The following ZNF682 variants were observed in gnomAD, a reference collection of about 807,000 sequenced individuals.
The protein encoded by ZNF682 is zinc finger protein 682.
A neutral mutation model predicts 36.5 loss-of-function variants in ZNF682; 29 were observed. The observed-to-expected ratio is 0.80, with a 90% CI of 0.59 to 1.08. The LOEUF (loss-of-function observed/expected upper bound fraction) is 1.08. Ranked by LOEUF, ZNF682 falls within the 50% of genes least tolerant of loss-of-function variation. The pLI, the probability that ZNF682 is intolerant of heterozygous loss-of-function variation, is 0.00. For synonymous variants in ZNF682, 180 were observed against 197.0 expected, an observed-to-expected ratio of 0.91 and a Z score of 0.72; for missense variants, 561 against 579.7, an observed-to-expected ratio of 0.97 and a Z score of 0.33.
At chr19:20,018,618 C>T (rs1370368643) in intron 3 of ZNF682, among the ~76,000 whole-genome samples, 4 of 151,892 alleles carry the variant, frequency 2.6e-5, no homozygotes, top group Non-Finnish European at 5.9e-5. Context: ...TATGGCCACA[C>T]AATGGGGAAG....
chr19:20,024,160 C>G (rs1229359822), intron 2 of ZNF682, 90 bp downstream of exon 2: 1 of 1,501,746 alleles, frequency 6.7e-7, no homozygotes. Context: ...CTCATTTATA[C>G]AAAGCAGAAA....
chr19:20,013,125 C>G (rs1315238078), intron 3 of ZNF682, among the ~76,000 whole-genome samples: 2 of 152,016 alleles, frequency 1.3e-5, no homozygotes, highest in Admixed American at 1.3e-4. Context: ...ACAAGTCATT[C>G]TATTAGAATG....
At chr19:20,002,091 C>CT (rs962043059), downstream of ZNF682, among the ~76,000 whole-genome samples, 1 of 151,850 alleles carries the variant, frequency 6.6e-6, no homozygotes, top group Non-Finnish European at 1.5e-5. Context: ...GTTATTATTT[C>CT]TTTTTTATTT....
intron 1 of ZNF682, among the ~76,000 whole-genome samples, chr19:20,030,096 A>C (rs2088467011): frequency 6.6e-6 from 1 of 152,126 alleles, no homozygotes; most frequent in Non-Finnish European, 1.5e-5. Context: ...TGTGTTTTCT[A>C]AGCCTGCCCA....
In ZNF682 at chr19:19,998,529, A is replaced by G. The variant is rs1226964947; in HGVS notation, c.227-1266T>C. On this transcript the variant is annotated intron_variant, in intron 3 of 3. Coordinates refer to the ZNF682 transcript ENST00000596019. ...TTAGCACCTTTCAACAACAAATACT[A>G]TCTCACAATTTGTGGGGACCAGAAA... is the stretch of plus-strand genomic sequence containing the variant. 4.4e-4 allele frequency among the ~76,000 whole-genome samples: 67 copies of G among 152,184 alleles called. 1 individual carries two copies. Among genetic ancestry groups the G allele is most frequent in the Non-Finnish European group, 1.5e-4 (10 of 68,034 alleles).
At chr19:19,997,191 A>G (rs1415140245) in exon 4 of ZNF682, 8 of 398,806 alleles carry the variant, frequency 2.0e-5, no homozygotes, top group Non-Finnish European at 3.5e-5. Flanking sequence ...AGGGTTCTCC[A>G]TCAGCTGGGG....
chr19:20,022,454 G>T (rs187761024), intron 3 of ZNF682, among the ~76,000 whole-genome samples: 24 of 152,046 alleles, frequency 1.6e-4, no homozygotes, highest in African/African-American at 5.3e-4. Context: ...GATCACCTGA[G>T]GTCGTGGGTT....
intron 3 of ZNF682, among the ~76,000 whole-genome samples, chr19:19,998,313 C>T (rs531077277): frequency 1.3e-5 from 2 of 152,186 alleles, no homozygotes; most frequent in South Asian, 2.1e-4. Context: ...AGGGAGCCAG[C>T]GCTGCAAAAG....
chr19:20,020,806 A>C (rs1599610534), intron 3 of ZNF682, among the ~76,000 whole-genome samples: 2 of 152,366 alleles, frequency 1.3e-5, no homozygotes, highest in East Asian at 3.9e-4. Context: ...AATAAGCCAG[A>C]CACAGAAAGA....
rs766548876 is a variant in ZNF682 at position 20,006,069 on chromosome 19, T to C, written c.1433A>G (p.Glu478Gly). 9 of 1,611,662 alleles carry C rather than the reference T, an allele frequency of 5.6e-6. No individual in the cohort carries two copies. The South Asian group carries it at 8.8e-5, about 16-fold the overall frequency. Reference sequence around the variant, plus strand: ...ACATTTTTTATACTTGCAGGATTTCTCTCCTCTTTGAACTCTCTTATGTTC... The same window carrying C: ...ACATTTTTTATACTTGCAGGATTTCCCTCCTCTTTGAACTCTCTTATGTTC... ...LNEHKRVQRG[E>G]KSCKYKKCGE... Residue 478 changes from glutamate (E) to glycine (G), a missense_variant, in exon 4 of 4, where the codon GAG (glutamate) becomes GGG (glycine). Physicochemically the swap from Glu to Gly is moderately conservative, Grantham distance 98 (BLOSUM62 -2). Coordinates refer to ENST00000397165, the MANE Select transcript of ZNF682 (RefSeq NM_033196.3).
intron 3 of ZNF682, among the ~76,000 whole-genome samples, chr19:20,017,852 A>T (rs2088348014): frequency 6.6e-6 from 1 of 152,098 alleles, no homozygotes; most frequent in African/African-American, 2.4e-5. Flanking sequence ...TTTTCTGACC[A>T]AAATGGAATG....
chr19:20,018,032 T>C (rs1427241153), intron 3 of ZNF682, among the ~76,000 whole-genome samples: 2 of 151,072 alleles, frequency 1.3e-5, no homozygotes, highest in Non-Finnish European at 3.0e-5. Context: ...TCCATGGTAG[T>C]TTTTATTTTT....
At chr19:20,036,260 A>G (rs187218246) in intron 1 of ZNF682, among the ~76,000 whole-genome samples, 1 of 152,260 alleles carries the variant, frequency 6.6e-6, no homozygotes, top group African/African-American at 2.4e-5. Context: ...CCAGATACTG[A>G]AGAGATACCC....
Position 20,006,199 on chromosome 19 carries a change from T to A in ZNF682, c.1303A>T (p.Asn435Tyr), listed in dbSNP as rs1452864724. 2 of 1,613,990 alleles carry A rather than the reference T, an allele frequency of 1.2e-6. No homozygotes were observed. Among genetic ancestry groups the A allele is most frequent in the Non-Finnish European group, 1.7e-6 (2 of 1,179,978 alleles). The change falls in exon 4 of 4, where the codon AAT becomes TAT. Residue 435 changes from asparagine to tyrosine, a missense_variant. Physicochemically the swap from Asn to Tyr is moderately radical, Grantham distance 143. Coordinates refer to ENST00000397165, the MANE Select transcript of ZNF682 (RefSeq NM_033196.3). ...YNCEECGKAF[N>Y]RCSHLTRHKK... ...TGTCTAGTAAGGTGTGAGCACCGAT[T>A]AAAGGCTTTTCCACATTCTTCACAG... is the stretch of plus-strand genomic sequence containing the variant.
Position 20,019,147 on chromosome 19 carries a change from T to C in ZNF682, c.226+3857A>G, listed in dbSNP as rs942373635. On this transcript the variant is annotated intron_variant, in intron 3 of 3. Transcript: ENST00000397165. Reference sequence around the variant, plus strand: ...AGCCTATAAGCATTTGAAAGGATGCTCAAGATTGCTAACTTTTAGACCAAC... The same window carrying C: ...AGCCTATAAGCATTTGAAAGGATGCCCAAGATTGCTAACTTTTAGACCAAC... 1.2e-4 allele frequency among the ~76,000 whole-genome samples: 19 copies of C among 152,056 alleles called. 1 individual carries two copies. Among genetic ancestry groups the C allele is most frequent in the African/African-American group, 3.6e-4 (15 of 41,386 alleles).
chr19:20,038,693 T>A (rs994445743), intron 1 of ZNF682, among the ~76,000 whole-genome samples: 2 of 151,910 alleles, frequency 1.3e-5, no homozygotes, highest in East Asian at 3.9e-4. Flanking sequence ...ATTTTTCAGA[T>A]TTAAGCAACC....
At chr19:20,039,183 G>A in intron 1 of ZNF682, 160 bp downstream of exon 1, 1 of 1,379,774 alleles carries the variant, frequency 7.2e-7, no homozygotes, top group South Asian at 1.7e-5. Flanking sequence ...CTCGCATCCT[G>A]TGCCCGGAGG....
At chr19:20,037,364 G>A (rs1037003812) in intron 1 of ZNF682, among the ~76,000 whole-genome samples, 1 of 152,198 alleles carries the variant, frequency 6.6e-6, no homozygotes, top group South Asian at 2.1e-4. Flanking sequence ...GCAGGCAGAT[G>A]AGACTATAAT....
intron 3 of ZNF682, among the ~76,000 whole-genome samples, chr19:20,019,967 T>C (rs1207798228): frequency 6.6e-6 from 1 of 151,038 alleles, no homozygotes; most frequent in Admixed American, 6.6e-5. Flanking sequence ...ATCCCAGCAT[T>C]TTGGGAATCT....
Sources: allele counts gnomAD v4.1 joint callset (sites outside exome capture counted in the v4.1 genomes callset), GRCh38; gene constraint gnomAD v4.1.1; transcripts MANE v1.5; gene names NCBI Gene and HGNC (gene_info 2026-07-23, HGNC 2026-07-21).